The following PDE3B variants were observed in gnomAD, a reference collection of about 807,000 sequenced individuals.
The protein encoded by PDE3B is cGMP-inhibited 3',5'-cyclic phosphodiesterase 3B.
In PDE3B, 66 loss-of-function variants were observed where a neutral mutation model predicts 116.8. That is an observed-to-expected ratio of 0.56 (90% confidence interval 0.46 to 0.69). PDE3B has a LOEUF of 0.69. Among genes scored for constraint, PDE3B ranks in the 30% least tolerant of loss-of-function variants. The pLI is 0.00. For missense variants in PDE3B, 1,384 were observed against 1,368.1 expected, an observed-to-expected ratio of 1.01 and a Z score of -0.18; for synonymous variants, 595 against 533.6, an observed-to-expected ratio of 1.12 and a Z score of -1.59.
chr11:14,716,298 A>C (rs1164209134), intron 1 of PDE3B, among the ~76,000 whole-genome samples: 1 of 152,166 alleles, frequency 6.6e-6, no homozygotes, highest in Non-Finnish European at 1.5e-5. Flanking sequence ...GATTGCTAGC[A>C]CAGCAGTCTG....
intron 7 of PDE3B, 82 bp downstream of exon 7, chr11:14,819,291 T>G: frequency 2.5e-6 from 2 of 787,522 alleles, no homozygotes; most frequent in Non-Finnish European, 4.4e-6. Flanking sequence ...TGAATGAGTT[T>G]AACTTCAGTT....
intron 1 of PDE3B, among the ~76,000 whole-genome samples, chr11:14,703,791 A>T (rs548532951): frequency 1.3e-4 from 20 of 151,114 alleles, no homozygotes; most frequent in Admixed American, 9.3e-4. Context: ...TGTGTGTGTG[A>T]GACATTCCTT....
intron 1 of PDE3B, among the ~76,000 whole-genome samples, chr11:14,665,312 T>C (rs1375102637): frequency 7.9e-5 from 12 of 152,198 alleles, no homozygotes; most frequent in African/African-American, 2.9e-4. Context: ...GCCAATATCA[T>C]ACTGAATGGG....
In PDE3B at chr11:14,644,067, G is replaced by A. The variant is rs757128281; in HGVS notation, c.-9G>A. 1.3e-6 allele frequency: 2 copies of A among 1,510,104 alleles called. No homozygotes were observed. The highest frequency in any genetic ancestry group is 4.4e-5 in the Admixed American group (2 of 45,502). The allele number at this position is 1,510,104 out of a possible 1,614,324, so 93.5% of individuals were successfully genotyped here. ...GTGCTGAGTCCCGTGGCCACCCCCG[G>A]CCCCAGCCATGAGGAGGGACGAGCG... is the stretch of plus-strand genomic sequence containing the variant. On this transcript the variant is annotated 5_prime_UTR_variant, in exon 1 of 16. Transcript: ENST00000282096.
At chr11:14,863,959 T>A (rs782785623) in intron 14 of PDE3B, among the ~76,000 whole-genome samples, 14 of 152,202 alleles carry the variant, frequency 9.2e-5, no homozygotes, top group Non-Finnish European at 1.8e-4. Flanking sequence ...ATAACAGTAT[T>A]AGCCTTAAAT....
intron 1 of PDE3B, among the ~76,000 whole-genome samples, chr11:14,726,861 T>C (rs1264002711): frequency 6.6e-6 from 1 of 152,122 alleles, no homozygotes; most frequent in Non-Finnish European, 1.5e-5. Flanking sequence ...GTAGACTCCT[T>C]TGAGAAGTCT....
At chr11:14,814,967 C>T (rs889408291) in intron 5 of PDE3B, among the ~76,000 whole-genome samples, 3 of 148,622 alleles carry the variant, frequency 2.0e-5, no homozygotes, top group South Asian at 2.1e-4. Context: ...GAGACTCCAT[C>T]TCAAAAAAAG....
At chr11:14,786,828 A>C in intron 3 of PDE3B, 143 bp downstream of exon 3, 1 of 628,608 alleles carries the variant, frequency 1.6e-6, no homozygotes, top group South Asian at 2.1e-5. Flanking sequence ...GTTAGAGGCA[A>C]TTATAAGCTC....
intron 12 of PDE3B, among the ~76,000 whole-genome samples, chr11:14,852,483 C>T (rs1651245587): frequency 2.6e-5 from 4 of 152,210 alleles, no homozygotes; most frequent in Admixed American, 1.3e-4. Context: ...ATATGAACAA[C>T]TTATACAAGT....
chr11:14,821,029 C>T (rs1365153786), intron 7 of PDE3B, among the ~76,000 whole-genome samples: 1 of 152,174 alleles, frequency 6.6e-6, no homozygotes, highest in Non-Finnish European at 1.5e-5. Context: ...GTGGACTAGC[C>T]TCAACTGGGA....
chr11:14,765,020 T>C (rs1462076992), intron 1 of PDE3B, among the ~76,000 whole-genome samples: 1 of 152,018 alleles, frequency 6.6e-6, no homozygotes. Flanking sequence ...TATTTTGTTT[T>C]TGATTTATGT....
At chr11:14,685,074 T>C (rs2133798965) in intron 1 of PDE3B, among the ~76,000 whole-genome samples, 1 of 152,332 alleles carries the variant, frequency 6.6e-6, no homozygotes, top group African/African-American at 2.4e-5. Context: ...TAAGAAATTA[T>C]AAAAGTATTA....
At chr11:14,891,252 G>A in the PDE3B span, 2 of 985,064 alleles carry the variant, frequency 2.0e-6, no homozygotes, top group South Asian at 9.4e-5. Context: ...GACCTCACCG[G>A]CTGGTTATGA....
At chr11:14,815,983 A>G (rs1199580840) in intron 5 of PDE3B, among the ~76,000 whole-genome samples, 9 of 152,064 alleles carry the variant, frequency 5.9e-5, no homozygotes. Flanking sequence ...AGAGAAAGAG[A>G]GAGAAAGTTT....
intron 1 of PDE3B, among the ~76,000 whole-genome samples, chr11:14,749,023 G>A (rs565376099): frequency 1.4e-4 from 21 of 151,908 alleles, no homozygotes; most frequent in Admixed American, 1.2e-3. Flanking sequence ...CAAGTAGCTG[G>A]GATTACAGGT....
intron 12 of PDE3B, 108 bp downstream of exon 12, chr11:14,844,134 C>T: frequency 1.4e-6 from 1 of 734,466 alleles, no homozygotes; most frequent in Non-Finnish European, 2.3e-6. Context: ...ATCCATCTGA[C>T]TTTAATACCC....
intron 1 of PDE3B, among the ~76,000 whole-genome samples, chr11:14,743,603 G>C (rs1056682852): frequency 6.6e-6 from 1 of 152,208 alleles, no homozygotes; most frequent in Non-Finnish European, 1.5e-5. Flanking sequence ...TGTGCCACTG[G>C]GGTATGAAAA....
intron 10 of PDE3B, among the ~76,000 whole-genome samples, chr11:14,833,133 A>C (rs1262521676): frequency 6.6e-6 from 1 of 151,932 alleles, no homozygotes; most frequent in East Asian, 1.9e-4. Flanking sequence ...TTATATTTTT[A>C]GTAGAGATGG....
intron 12 of PDE3B, among the ~76,000 whole-genome samples, chr11:14,848,522 T>C (rs1394178983): frequency 6.6e-6 from 1 of 152,020 alleles, no homozygotes. Context: ...TAAAGGGCAT[T>C]CAATTAGGAA....
Sources: allele counts gnomAD v4.1 joint callset (sites outside exome capture counted in the v4.1 genomes callset), GRCh38; gene constraint gnomAD v4.1.1; transcripts MANE v1.5; gene names NCBI Gene and HGNC (gene_info 2026-07-23, HGNC 2026-07-21).